The following PTPRT variants were observed in gnomAD, a reference collection of about 807,000 sequenced individuals.
The protein encoded by PTPRT is protein tyrosine phosphatase receptor type T.
Under a neutral mutation model 176.8 loss-of-function variants are expected in PTPRT, and 56 were observed. The ratio of observed to expected loss-of-function variants is 0.32; its 90% CI spans 0.26 to 0.40. PTPRT has a LOEUF of 0.40. PTPRT is among the 10% of genes least tolerant of loss of function. PTPRT has a pLI of 1.00. For missense variants in PTPRT, 1,540 were observed against 1,908.2 expected, an observed-to-expected ratio of 0.81 and a Z score of 3.60; for synonymous variants, 783 against 739.0, an observed-to-expected ratio of 1.06 and a Z score of -0.96.
intron 15 of PTPRT, among the ~76,000 whole-genome samples, chr20:42,232,644 A>G (rs2056158129): frequency 6.7e-6 from 1 of 150,020 alleles, no homozygotes; most frequent in South Asian, 2.1e-4. Context: ...CCACTCCCAG[A>G]CTGTTCCCTG....
At chr20:42,571,864 G>A (rs1260651834) in intron 7 of PTPRT, among the ~76,000 whole-genome samples, 1 of 152,116 alleles carries the variant, frequency 6.6e-6, no homozygotes, top group African/African-American at 2.4e-5. Context: ...CCCTTCACTG[G>A]TCTTCCCACT....
rs1323315010 is a variant in PTPRT at position 42,075,663 on chromosome 20, A to G, written c.*5216T>C. ...GTAACAGGATAAGGGCCTGGCTGCT[A>G]CTCCCTGGGCCTCACTTCTGTTGTG... On this transcript the variant is annotated 3_prime_UTR_variant, in exon 31 of 31. Transcript: ENST00000373187. The G allele has an allele frequency of 2.8e-5, 6 of 211,088 alleles. No individual in the cohort carries two copies. Among genetic ancestry groups the G allele is most frequent in the Non-Finnish European group, 5.7e-5 (6 of 104,364 alleles). The allele number at this position is 211,088 out of a possible 1,614,324, so 13.1% of individuals were successfully genotyped here.
intron 7 of PTPRT, among the ~76,000 whole-genome samples, chr20:42,661,787 GA>G (rs894222610): frequency 2.0e-5 from 3 of 152,188 alleles, no homozygotes; most frequent in Non-Finnish European, 4.4e-5. Flanking sequence ...GTGGGATTTA[GA>G]AACAACTGAC....
rs1478323209 is a variant in PTPRT, at chr20:43,189,082, A to C, written c.88+564T>G. Among the ~76,000 whole-genome samples, 1 of 152,182 alleles carries C rather than the reference A, an allele frequency of 6.6e-6. No homozygotes were observed. The highest frequency in any genetic ancestry group is 2.4e-5 in the African/African-American group (1 of 41,460). On this transcript the variant is annotated intron_variant, in intron 1 of 30. Coordinates refer to ENST00000373187, the MANE Select transcript of PTPRT (RefSeq NM_007050.6). This position sits in a 1 kb window ranked among gnomAD's most constrained non-coding sequence, Gnocchi z 5.0. ...AGGTATTGCTCTCGGTCATCAACGC[A>C]AACATCCCCTCGGGTGCCTACAGCG... is the stretch of plus-strand genomic sequence containing the variant.
chr20:42,996,416 G>A (rs1257083444), intron 1 of PTPRT, among the ~76,000 whole-genome samples: 1 of 152,170 alleles, frequency 6.6e-6, no homozygotes, highest in Non-Finnish European at 1.5e-5. Flanking sequence ...GGGTAAAGAA[G>A]AAAAGAAGGA....
chr20:43,106,949 C>T (rs1284000293), intron 1 of PTPRT, among the ~76,000 whole-genome samples: 2 of 151,892 alleles, frequency 1.3e-5, no homozygotes, highest in Non-Finnish European at 2.9e-5. Context: ...CACCACCAGG[C>T]CCAGCTAATT....
At chr20:43,083,337 T>TACATATATAC (rs1489432968) in intron 1 of PTPRT, among the ~76,000 whole-genome samples, 3 of 105,790 alleles carry the variant, frequency 2.8e-5, no homozygotes, top group African/African-American at 1.1e-4. Flanking sequence ...TATATATATA[T>TACATATATAC]ATATATATAT....
At chr20:42,628,799 C>A (rs2074346169) in intron 7 of PTPRT, among the ~76,000 whole-genome samples, 1 of 152,134 alleles carries the variant, frequency 6.6e-6, no homozygotes, top group South Asian at 2.1e-4. Context: ...GGAACATATC[C>A]ATGCCCATTT....
intron 8 of PTPRT, among the ~76,000 whole-genome samples, chr20:42,468,962 C>T (rs2071146400): frequency 6.6e-6 from 1 of 152,132 alleles, no homozygotes; most frequent in Non-Finnish European, 1.5e-5. Context: ...AGTGTATTTC[C>T]CACAACCAGT....
intron 6 of PTPRT, among the ~76,000 whole-genome samples, chr20:42,694,204 AATTTTTTGT>A (rs1488942626): frequency 6.6e-6 from 1 of 151,720 alleles, no homozygotes; most frequent in African/African-American, 2.4e-5. Flanking sequence ...ATGCCCGGCT[AATTTTTTGT>A]ATTTTTAGTA....
chr20:42,917,996 G>A (rs1381756775), intron 1 of PTPRT, among the ~76,000 whole-genome samples: 2 of 152,088 alleles, frequency 1.3e-5, no homozygotes, highest in African/African-American at 2.4e-5. Flanking sequence ...TGTCCCAGAG[G>A]TGCATCTCTC....
chr20:42,812,193 T>C (rs1369337581), intron 2 of PTPRT, among the ~76,000 whole-genome samples: 1 of 152,078 alleles, frequency 6.6e-6, no homozygotes, highest in Non-Finnish European at 1.5e-5. Context: ...GTACCAAATT[T>C]TCCTGGAATA....
At chr20:42,605,517 G>A (rs901085317) in intron 7 of PTPRT, among the ~76,000 whole-genome samples, 1 of 152,200 alleles carries the variant, frequency 6.6e-6, no homozygotes, top group Non-Finnish European at 1.5e-5. Context: ...TAATGCCTCA[G>A]CCTCAGCCAT....
chr20:42,885,877 C>T lies in PTPRT; in HGVS notation c.144G>A (p.Gly48=). 1 of 1,610,964 alleles carries T rather than the reference C, an allele frequency of 6.2e-7. No individual in the cohort carries two copies. Among genetic ancestry groups the T allele is most frequent in the Non-Finnish European group, 8.5e-7 (1 of 1,178,018 alleles). The change falls in exon 2 of 31, where the codon GGG becomes GGA. Residue 48 remains glycine (G), a synonymous_variant. Transcript: ENST00000373187. ...YSNCGYSVAL[G]TNGFTWEQIN... ...TCTGCTCCCAGGTGAACCCATTGGTCCCTAGAGCCACACTATAACCACAGT... is the reference window on the plus strand; with the variant it reads ...TCTGCTCCCAGGTGAACCCATTGGTTCCTAGAGCCACACTATAACCACAGT...
At chr20:42,104,463 A>G in intron 25 of PTPRT, 106 bp downstream of exon 25, 1 of 1,282,306 alleles carries the variant, frequency 7.8e-7, no homozygotes, top group East Asian at 2.5e-5. Context: ...AGCCTCCAGA[A>G]ATGTAATGAA....
intron 9 of PTPRT, among the ~76,000 whole-genome samples, chr20:42,439,385 C>T (rs1236180834): frequency 6.6e-6 from 1 of 152,128 alleles, no homozygotes; most frequent in African/African-American, 2.4e-5. Context: ...TGCAAGATGC[C>T]ATTAGTAACA....
At chr20:42,727,306 A>G (rs1288752188) in intron 6 of PTPRT, among the ~76,000 whole-genome samples, 2 of 152,212 alleles carry the variant, frequency 1.3e-5, no homozygotes, top group African/African-American at 4.8e-5. Flanking sequence ...TCTTTCGGTG[A>G]AGCTTCTTCA....
Position 42,104,610 on chromosome 20 carries a change from C to T in PTPRT, c.3499G>A (p.Asp1167Asn). Residue 1167 changes from aspartate to asparagine, a missense_variant, in exon 25 of 31, where the codon GAC becomes AAC. Physicochemically the swap from Asp to Asn is conservative, Grantham distance 23. This residue lies in a region of PTPRT where 342 missense variants were observed against 394.0 expected (regional missense o/e 0.87). Coordinates refer to ENST00000373187, the MANE Select transcript of PTPRT (RefSeq NM_007050.6). ...RSLYYNISRL[D>N]PQTNSSQIKD... is the part of the protein sequence containing the mutation. ...ATTTGGCTGGAGTTTGTCTGGGGGT[C>T]CAGCCTGCTGATATTGTAGTAGAGA... 6.2e-7 allele frequency: 1 copy of T among 1,612,658 alleles called. No homozygotes were observed. Among genetic ancestry groups the T allele is most frequent in the South Asian group, 1.1e-5 (1 of 90,998 alleles).
At chr20:43,122,761 C>G (rs570043194) in intron 1 of PTPRT, among the ~76,000 whole-genome samples, 1 of 152,174 alleles carries the variant, frequency 6.6e-6, no homozygotes, top group East Asian at 1.9e-4. Flanking sequence ...ATGTTGGCAC[C>G]ATGCTTCCTG....
Sources: allele counts gnomAD v4.1 joint callset (sites outside exome capture counted in the v4.1 genomes callset), GRCh38; gene constraint gnomAD v4.1.1; regional missense constraint gnomAD v4.1.1; non-coding constraint Gnocchi (gnomAD v3.1); transcripts MANE v1.5; gene names NCBI Gene and HGNC (gene_info 2026-07-23, HGNC 2026-07-21).